ACOXL: variants seen among roughly 807,000 people sequenced by gnomAD.
ACOXL encodes acyl-CoA oxidase like, also known as acyl-coenzyme A oxidase-like protein.
ACOXL carries 70 observed loss-of-function variants against 71.9 expected under a neutral mutation model. The ratio of observed to expected loss-of-function variants is 0.97; its 90% CI spans 0.80 to 1.19. The LOEUF is 1.19. ACOXL is among the 50% of genes most tolerant of loss of function. ACOXL has a pLI of 0.00. For missense variants in ACOXL, 703 were observed against 736.3 expected (o/e 0.95, Z 0.52); for synonymous variants, 253 against 281.6 (o/e 0.90, Z 1.02).
intron 12 of ACOXL, among the ~76,000 whole-genome samples, chr2:110,953,478 T>C (rs767661013): frequency 1.8e-4 from 27 of 152,046 alleles, no homozygotes; most frequent in Non-Finnish European, 4.0e-4. Context: ...TCTTCTGCAA[T>C]TGGATGCAGG....
chr2:110,897,783 G>A (rs1468262999), intron 10 of ACOXL, among the ~76,000 whole-genome samples: 1 of 152,046 alleles, frequency 6.6e-6, no homozygotes, highest in Admixed American at 6.6e-5. Context: ...CAGAACAATA[G>A]AGAATATCAG....
At chr2:111,108,371 C>CTTTTTTTTTTTTTTTTTTT (rs1225889982) in intron 17 of ACOXL, among the ~76,000 whole-genome samples, 2 of 71,036 alleles carry the variant, frequency 2.8e-5, no homozygotes, top group Non-Finnish European at 4.9e-5. Flanking sequence ...GTGCATGAAT[C>CTTTTTTTTTTTTTTTTTTT]TTTTTTTTTT....
intron 10 of ACOXL, among the ~76,000 whole-genome samples, chr2:110,852,931 G>A (rs1692793817): frequency 6.6e-6 from 1 of 152,188 alleles, no homozygotes. Context: ...TAGAGCCCAT[G>A]GTGGGTGAAG....
intron 14 of ACOXL, among the ~76,000 whole-genome samples, chr2:111,030,430 T>C (rs965270952): frequency 7.2e-5 from 11 of 152,136 alleles, no homozygotes; most frequent in African/African-American, 2.7e-4. Flanking sequence ...GATGCCCCAG[T>C]TAGGTGTGGA....
At chr2:110,776,034 A>G (rs1471092239) in intron 2 of ACOXL, among the ~76,000 whole-genome samples, 2 of 152,266 alleles carry the variant, frequency 1.3e-5, no homozygotes, top group Non-Finnish European at 2.9e-5. Context: ...GGTGAATGGC[A>G]TAACAAAACA....
intron 16 of ACOXL, among the ~76,000 whole-genome samples, chr2:111,078,176 A>G (rs1190559697): frequency 2.6e-5 from 4 of 152,070 alleles, no homozygotes; most frequent in African/African-American, 9.7e-5. Context: ...CTCTGTCTCC[A>G]TAGTTCTGCT....
chr2:110,852,292 T>G (rs1573836916), intron 10 of ACOXL, among the ~76,000 whole-genome samples: 1 of 152,082 alleles, frequency 6.6e-6, no homozygotes, highest in Non-Finnish European at 1.5e-5. Context: ...GCTACCAAGG[T>G]CTTGCTCGTA....
At chr2:111,066,821 T>C (rs2067093743) in intron 16 of ACOXL, among the ~76,000 whole-genome samples, 1 of 152,054 alleles carries the variant, frequency 6.6e-6, no homozygotes, top group African/African-American at 2.4e-5. Flanking sequence ...AAGGTCATAG[T>C]CTCTAATGGG....
At chr2:111,088,645 G>C (rs1558956143) in intron 16 of ACOXL, among the ~76,000 whole-genome samples, 1 of 152,104 alleles carries the variant, frequency 6.6e-6, no homozygotes, top group East Asian at 1.9e-4. Flanking sequence ...GTGCAGGGTG[G>C]GAAGAGGGAG....
intron 1 of ACOXL, among the ~76,000 whole-genome samples, chr2:110,759,699 TTTTG>T (rs1265309147): frequency 1.5e-4 from 23 of 152,176 alleles, no homozygotes; most frequent in African/African-American, 3.9e-4. Flanking sequence ...TCCTGACTAT[TTTTG>T]TTTGTTTCTT....
chr2:110,925,442 C>G (rs1048080356), intron 11 of ACOXL, among the ~76,000 whole-genome samples: 1 of 152,246 alleles, frequency 6.6e-6, no homozygotes, highest in Non-Finnish European at 1.5e-5. Flanking sequence ...GCTGTAGCTT[C>G]TACATCAGCA....
chr2:110,845,282 G>A (rs562364033), intron 10 of ACOXL, among the ~76,000 whole-genome samples: 12 of 152,246 alleles, frequency 7.9e-5, no homozygotes, highest in Non-Finnish European at 1.6e-4. Context: ...AGGAGCAAGA[G>A]GGGAAGGCTT....
At chr2:110,958,737 C>T (rs998327795) in intron 12 of ACOXL, among the ~76,000 whole-genome samples, 2 of 152,164 alleles carry the variant, frequency 1.3e-5, no homozygotes, top group African/African-American at 4.8e-5. Context: ...GTGGCAATTT[C>T]CCCAGAATAC....
chr2:110,963,564 A>AGTGT, intron 12 of ACOXL: 2 of 1,478,532 alleles, frequency 1.4e-6, no homozygotes. Context: ...GCAAATTTGA[A>AGTGT]ATGTGTGTGT....
chr2:110,980,605 A>T (rs980113457), intron 12 of ACOXL, among the ~76,000 whole-genome samples: 1 of 152,210 alleles, frequency 6.6e-6, no homozygotes, highest in African/African-American at 2.4e-5. Context: ...AGGAAATCGC[A>T]GAGGTGGCTC....
At chr2:110,888,729 T>A (rs1359141612) in intron 10 of ACOXL, among the ~76,000 whole-genome samples, 1 of 152,238 alleles carries the variant, frequency 6.6e-6, no homozygotes, top group African/African-American at 2.4e-5. Context: ...TCTAAAGTCA[T>A]GGCTACGCCT....
rs548435594 is a variant in ACOXL at position 110,858,362 on chromosome 2, G to A, written c.788+16957G>A. Among the ~76,000 whole-genome samples the A allele has an allele frequency of 5.3e-5, 8 of 152,316 alleles. No homozygotes were observed. In the South Asian group the frequency reaches 1.5e-3, roughly 28 times the overall value. On this transcript the variant is annotated intron_variant, in intron 10 of 17. Transcript: ENST00000439055. ...ATCCTTCCTACTCCCCGAGACAGAC[G>A]TGGAGCTGAGTGGAAGTTCCGCATC...
At chr2:110,881,806 T>G (rs965721626) in intron 10 of ACOXL, among the ~76,000 whole-genome samples, 2 of 152,214 alleles carry the variant, frequency 1.3e-5, no homozygotes, top group Non-Finnish European at 2.9e-5. Context: ...CATGTATCAG[T>G]AGTTAATTCC....
At chr2:111,087,723 A>C (rs1322300530) in intron 16 of ACOXL, among the ~76,000 whole-genome samples, 1 of 152,182 alleles carries the variant, frequency 6.6e-6, no homozygotes, top group Non-Finnish European at 1.5e-5. Flanking sequence ...ATACCATTCC[A>C]GACGTAGGAA....
Sources: allele counts gnomAD v4.1 joint callset (sites outside exome capture counted in the v4.1 genomes callset), GRCh38; gene constraint gnomAD v4.1.1; transcripts MANE v1.5; gene names NCBI Gene and HGNC (gene_info 2026-07-23, HGNC 2026-07-21).